The following COPG2 variants were observed in gnomAD, a reference collection of about 807,000 sequenced individuals.
COPG2 encodes coat protein complex I subunit gamma 2, also known as coatomer subunit gamma-2.
In COPG2, 37 loss-of-function variants were observed where a neutral mutation model predicts 46.3. That is an observed-to-expected ratio of 0.80 (90% CI 0.61 to 1.05). COPG2 has a LOEUF of 1.05. Among genes scored for constraint, COPG2 ranks in the 50% least tolerant of loss-of-function variants. The pLI is 0.00. For missense variants in COPG2, 427 were observed against 387.8 expected (o/e 1.10, Z -0.85); for synonymous variants, 159 against 129.7 (o/e 1.23, Z -1.53).
At chr7:130,513,359 G>GTGTATA (rs1282542780) in intron 20 of COPG2, among the ~76,000 whole-genome samples, 12 of 36,658 alleles carry the variant, frequency 3.3e-4, no homozygotes, top group South Asian at 1.2e-3. Flanking sequence ...GTGTGTGTGT[G>GTGTATA]TATATATATA....
chr7:130,529,630 C>G (rs1311886322), intron 20 of COPG2, among the ~76,000 whole-genome samples: 3 of 152,196 alleles, frequency 2.0e-5, no homozygotes, highest in African/African-American at 4.8e-5. Flanking sequence ...ATAGCTCCAG[C>G]AGCCTTTAGG....
chr7:130,631,011 T>TCTTAAAAAAAATCCA (rs1461042002), intron 5 of COPG2, among the ~76,000 whole-genome samples: 2 of 152,044 alleles, frequency 1.3e-5, no homozygotes, highest in Admixed American at 1.3e-4. Flanking sequence ...TGACCCCATC[T>TCTTAAAAAAAATCCA]CTTAAAAAAA....
At chr7:130,522,448 C>T (rs1799731555) in intron 20 of COPG2, among the ~76,000 whole-genome samples, 2 of 152,064 alleles carry the variant, frequency 1.3e-5, no homozygotes, top group South Asian at 4.2e-4. Flanking sequence ...AAAATAAGAA[C>T]AGAAAATATT....
chr7:130,615,895 G>A (rs1157118024), intron 6 of COPG2, among the ~76,000 whole-genome samples: 1 of 152,126 alleles, frequency 6.6e-6, no homozygotes, highest in Admixed American at 6.5e-5. Flanking sequence ...GTGGTGAGGA[G>A]GAACAATAAA....
At chr7:130,613,793 C>T (rs1794899785) in intron 6 of COPG2, among the ~76,000 whole-genome samples, 157 bp from the exon 7 acceptor site, 1 of 152,128 alleles carries the variant, frequency 6.6e-6, no homozygotes. Flanking sequence ...AATAATATCC[C>T]AAAGGGCAGA....
chr7:130,509,945 C>A, intron 20 of COPG2: 1 of 471,678 alleles, frequency 2.1e-6, no homozygotes, highest in Non-Finnish European at 4.3e-6. Context: ...GATGTACAAA[C>A]AGGCAAAAGG....
intron 9 of COPG2, among the ~76,000 whole-genome samples, chr7:130,577,767 C>CAAAAAAA (rs782674348): frequency 6.4e-5 from 5 of 78,148 alleles, no homozygotes; most frequent in African/African-American, 3.1e-4. Context: ...GACTCCGTCT[C>CAAAAAAA]AAAAAAAAAA....
chr7:130,524,795 C>T (rs1799758543), intron 20 of COPG2, among the ~76,000 whole-genome samples: 1 of 152,070 alleles, frequency 6.6e-6, no homozygotes, highest in East Asian at 1.9e-4. Flanking sequence ...CACAGGGGAC[C>T]ACGTGTCAAT....
intron 20 of COPG2, among the ~76,000 whole-genome samples, chr7:130,536,657 C>T (rs1799882905): frequency 1.3e-5 from 2 of 152,128 alleles, no homozygotes; most frequent in Non-Finnish European, 2.9e-5. Flanking sequence ...TGCAGCGGGG[C>T]TGATGGAGGC....
At position 130,548,510 on chromosome 7, in the gene COPG2, T is replaced by C; in HGVS notation, c.1870A>G (p.Ile624Val). 1 of 398,610 alleles carries C rather than the reference T, an allele frequency of 2.5e-6. No individual in the cohort carries two copies. Among genetic ancestry groups the C allele is most frequent in the East Asian group, 3.6e-5 (1 of 28,072 alleles). 24.7% of individuals were successfully genotyped at this position (398,610 alleles called of 1,614,324 possible). Reference protein sequence around the residue: ...QLAAIPEFLNIGPLFKSSEPV... With the variant: ...QLAAIPEFLNVGPLFKSSEPV... ...TCAGAAGACTTGAACAAGGGTCCTA[T>C]ATTCAGAAACTCAGGAATGGCAGCC... The change falls in exon 19 of 24, where the codon ATA becomes GTA. Residue 624 changes from isoleucine (I) to valine (V), a missense_variant. Ile to Val is a conservative substitution (Grantham distance 29). Transcript: ENST00000425248.
In COPG2 at chr7:130,573,956, A is replaced by G. The variant is rs139252910; in HGVS notation, c.738-9563T>C. ...GGCAATTTCTTTAAAAGTTAAACAT[A>G]AACTCATCATATGACCCAGTTATTC... is the stretch of plus-strand genomic sequence containing the variant. On this transcript the variant is annotated intron_variant, in intron 9 of 23. Coordinates refer to ENST00000425248, the MANE Select transcript of COPG2 (RefSeq NM_012133.6). Among the ~76,000 whole-genome samples, 1,481 of 152,328 alleles carry G rather than the reference A, an allele frequency of 9.7e-3. 23 individuals carry two copies. The highest frequency in any genetic ancestry group is 0.034 in the African/African-American group (1,404 of 41,580).
intron 20 of COPG2, among the ~76,000 whole-genome samples, chr7:130,533,319 G>A (rs1464518579): frequency 6.6e-6 from 1 of 151,842 alleles, no homozygotes; most frequent in Non-Finnish European, 1.5e-5. Context: ...CAAGGGTGGG[G>A]GTGGGAGGTC....
At chr7:130,577,144 C>A (rs1794014908) in intron 9 of COPG2, among the ~76,000 whole-genome samples, 1 of 152,128 alleles carries the variant, frequency 6.6e-6, no homozygotes, top group Non-Finnish European at 1.5e-5. Context: ...AAAAAAAAGT[C>A]CAGAATGATT....
At chr7:130,578,454 A>G (rs1435819266) in intron 9 of COPG2, among the ~76,000 whole-genome samples, 1 of 151,868 alleles carries the variant, frequency 6.6e-6, no homozygotes, top group Non-Finnish European at 1.5e-5. Context: ...TCCTCCTCCA[A>G]AGGAATGCAG....
At chr7:130,514,941 G>A (rs1799667241) in intron 20 of COPG2, among the ~76,000 whole-genome samples, 1 of 152,196 alleles carries the variant, frequency 6.6e-6, no homozygotes, top group Non-Finnish European at 1.5e-5. Context: ...GTATATGGGA[G>A]AGAAGGAAAG....
chr7:130,664,640 T>G (rs1489026858), intron 3 of COPG2, among the ~76,000 whole-genome samples: 2 of 152,252 alleles, frequency 1.3e-5, no homozygotes, highest in African/African-American at 4.8e-5. Flanking sequence ...GGTAATTTCC[T>G]TATCAAGATA....
intron 5 of COPG2, chr7:130,645,277 G>A (rs1795573676): frequency 1.6e-6 from 1 of 637,654 alleles, no homozygotes; most frequent in Non-Finnish European, 3.0e-6. Flanking sequence ...TACCTGGGGG[G>A]CCACAAAATA....
At chr7:130,587,072 G>A (rs879993706) in intron 9 of COPG2, among the ~76,000 whole-genome samples, 18 of 151,826 alleles carry the variant, frequency 1.2e-4, no homozygotes, top group Non-Finnish European at 2.1e-4. Flanking sequence ...TTTAGGAGGC[G>A]GAGGCAGGCA....
At chr7:130,561,293 G>A (rs952148772) in intron 11 of COPG2, 72 bp from the exon 12 acceptor site, 6 of 397,888 alleles carry the variant, frequency 1.5e-5, no homozygotes, top group East Asian at 7.1e-5. Flanking sequence ...TTTTAATTGA[G>A]GTAAGTGGCA....
Sources: allele counts gnomAD v4.1 joint callset (sites outside exome capture counted in the v4.1 genomes callset), GRCh38; gene constraint gnomAD v4.1.1; transcripts MANE v1.5; gene names NCBI Gene and HGNC (gene_info 2026-07-23, HGNC 2026-07-21).